CFAP69: variants seen among roughly 807,000 people sequenced by gnomAD.
The protein encoded by CFAP69 is cilia- and flagella-associated protein 69.
A neutral mutation model predicts 123.0 loss-of-function variants in CFAP69; 92 were observed. The ratio of observed to expected loss-of-function variants is 0.75; its 90% confidence interval spans 0.63 to 0.89. CFAP69 has a LOEUF of 0.89. Among genes scored for constraint, CFAP69 ranks in the 40% least tolerant of loss-of-function variants. CFAP69 has a pLI of 0.00. For missense variants in CFAP69, 1,067 were observed against 1,096.9 expected (o/e 0.97, Z 0.39); for synonymous variants, 380 against 364.3 (o/e 1.04, Z -0.49).
In CFAP69 at chr7:90,303,921, A is replaced by G. The variant is rs746706835; in HGVS notation, c.2051-48A>G. 6.7e-6 allele frequency: 10 copies of G among 1,485,578 alleles called. No individual in the cohort carries two copies. In the East Asian group the frequency reaches 2.0e-4, roughly 30 times the overall value. 92.0% of individuals were successfully genotyped at this position (1,485,578 alleles called of 1,614,324 possible). A position where few individuals can be genotyped will look rare whatever the true frequency, so the allele number is the denominator to read the frequency against. On this transcript the variant is annotated intron_variant, in intron 17 of 22. Transcript: ENST00000389297. The stretch of plus-strand genomic sequence containing the variant: ...TCTCAAAATTAAGTATTTGTTTACT[A>G]TGGTTTTTATCTGTCCCTTTTCTAT...
intron 2 of CFAP69, among the ~76,000 whole-genome samples, chr7:90,256,677 C>A (rs1347065630): frequency 6.6e-6 from 1 of 152,052 alleles, no homozygotes; most frequent in African/African-American, 2.4e-5. Flanking sequence ...GAAAAAGTGA[C>A]TATTGGAATA....
chr7:90,276,305 A>G (rs1205695932), intron 9 of CFAP69, among the ~76,000 whole-genome samples: 1 of 152,238 alleles, frequency 6.6e-6, no homozygotes, highest in African/African-American at 2.4e-5. Context: ...ACTTATAGGT[A>G]GACCTTTGTT....
chr7:90,258,208 A>G (rs1412275489), intron 3 of CFAP69, 45 bp downstream of exon 3: 29 of 1,340,260 alleles, frequency 2.2e-5, no homozygotes, highest in Non-Finnish European at 2.8e-5. Flanking sequence ...TTATTCTGAA[A>G]TGAGAATTTC....
intron 22 of CFAP69, 108 bp downstream of exon 22, chr7:90,309,475 GGATT>G (rs752592541): frequency 1.7e-4 from 91 of 522,734 alleles, no homozygotes; most frequent in Admixed American, 6.9e-4. Context: ...TTAAATGGAT[GGATT>G]GTGTGGTATT....
intron 21 of CFAP69, among the ~76,000 whole-genome samples, chr7:90,309,040 C>T (rs537172648): frequency 6.6e-6 from 1 of 152,120 alleles, no homozygotes; most frequent in South Asian, 2.1e-4. Context: ...TTCCAGAAAT[C>T]TCTGGAAGAC....
rs767930947 is a variant in CFAP69, at chr7:90,279,879, G to A, written c.1358G>A (p.Trp453Ter). 7.5e-6 allele frequency: 12 copies of A among 1,589,984 alleles called. No homozygotes were observed. The highest frequency in any genetic ancestry group is 1.0e-5 in the Non-Finnish European group (12 of 1,171,604). The change falls in exon 12 of 23, where the codon TGG (tryptophan) becomes TAG (stop). Residue 453 changes from tryptophan to a stop codon, truncating the protein, a stop_gained. Coordinates refer to ENST00000389297, the MANE Select transcript of CFAP69 (RefSeq NM_001039706.3). LOFTEE classifies it high-confidence loss of function. ...GNARVLAFLE[W>*]CESEDPFFSH... Reference sequence around the variant, plus strand: ...GCTCGAGTCCTTGCATTTCTAGAATGGTGTGAGAGTGAAGGTGAGTGGCCC... The same window carrying A: ...GCTCGAGTCCTTGCATTTCTAGAATAGTGTGAGAGTGAAGGTGAGTGGCCC...
rs575988791 is a variant in CFAP69 at position 90,261,971 on chromosome 7, T to C, written c.271T>C (p.Phe91Leu). 4 of 1,590,930 alleles carry C rather than the reference T, an allele frequency of 2.5e-6. No homozygotes were observed. Among genetic ancestry groups the C allele is most frequent in the Admixed American group, 1.8e-5 (1 of 56,376 alleles). ...GLPLRDLAQI[F>L]KILNLCSGKI... is the part of the protein sequence containing the mutation. The stretch of plus-strand genomic sequence containing the variant: ...GCCATTAAGGGATTTAGCACAGATA[T>C]TTAAAATTCTGAATCTGTGTTCAGG... Residue 91 changes from phenylalanine to leucine, a missense_variant, in exon 4 of 23, where the codon TTT becomes CTT. Physicochemically the swap from Phe to Leu is conservative, Grantham distance 22 (BLOSUM62 0). Coordinates refer to ENST00000389297, the MANE Select transcript of CFAP69 (RefSeq NM_001039706.3).
chr7:90,265,110 G>A lies in CFAP69; in HGVS notation c.357-191G>A, dbSNP rs368746642. 1.7e-4 allele frequency among the ~76,000 whole-genome samples: 26 copies of A among 152,124 alleles called. 1 individual carries two copies. The East Asian group carries it at 3.7e-3, about 21-fold the overall frequency. ...CCCGGCCCCAGAAACATTTTTAATA[G>A]TTACAATACTATTAAACTGTAATAC... On this transcript the variant is annotated intron_variant, in intron 4 of 22. Coordinates refer to ENST00000389297, the MANE Select transcript of CFAP69 (RefSeq NM_001039706.3).
At chr7:90,281,765 A>G (rs1789528489) in intron 12 of CFAP69, among the ~76,000 whole-genome samples, 2 of 152,230 alleles carry the variant, frequency 1.3e-5, no homozygotes, top group Admixed American at 1.3e-4. Context: ...GCATTTAACT[A>G]CTGTAAAACG....
At chr7:90,264,245 AT>A (rs2116801967) in intron 4 of CFAP69, among the ~76,000 whole-genome samples, 1 of 150,554 alleles carries the variant, frequency 6.6e-6, no homozygotes, top group South Asian at 2.1e-4. Context: ...TAGTTTATAT[AT>A]TTAAAAAATA....
chr7:90,258,811 A>T (rs564834281), intron 3 of CFAP69, among the ~76,000 whole-genome samples: 3 of 152,216 alleles, frequency 2.0e-5, no homozygotes, highest in Non-Finnish European at 4.4e-5. Context: ...TGTAAATAAA[A>T]TTGAAGAAAC....
Position 90,245,458 on chromosome 7 carries a change from G to A in CFAP69, c.34G>A (p.Ala12Thr). 6.4e-7 allele frequency: 1 copy of A among 1,557,546 alleles called. No individual in the cohort carries two copies. Among genetic ancestry groups the A allele is most frequent in the South Asian group, 1.2e-5 (1 of 85,534 alleles). The change falls in exon 1 of 23, where the codon GCC (alanine) becomes ACC (threonine). Residue 12 changes from alanine (A) to threonine (T), a missense_variant. Ala to Thr is a moderately conservative substitution (Grantham distance 58, BLOSUM62 0). Transcript: ENST00000389297. ...AGAGGAAGCCGGGGCGACCGCCGAG[G>A]CCCAGGAATCCGGCATCAGGAACAA... ...WTEEAGATAE[A>T]QESGIRNKSS...
chr7:90,248,095 C>T (rs1479471784), intron 1 of CFAP69, among the ~76,000 whole-genome samples: 1 of 152,148 alleles, frequency 6.6e-6, no homozygotes. Flanking sequence ...AGACTGGATG[C>T]CCCTGAAATC....
At position 90,309,267 on chromosome 7, in the gene CFAP69, CA is replaced by C. The variant is rs1562931831; in HGVS notation, c.2560del (p.Ser854AlafsTer7). 1 of 1,463,584 alleles carries C rather than the reference CA, an allele frequency of 6.8e-7. No homozygotes were observed. Among genetic ancestry groups the C allele is most frequent in the Non-Finnish European group, 9.2e-7 (1 of 1,083,484 alleles). The allele number at this position is 1,463,584 out of a possible 1,614,324, so 90.7% of individuals were successfully genotyped here. On this transcript the variant is annotated frameshift_variant, in exon 22 of 23. Transcript: ENST00000389297. LOFTEE classifies it high-confidence loss of function. ...TTCTAATTTAAAAATCCTCAGAAAG[CA>C]AAAAGCCTTCAAGAAAAAGCTATAG... ...RTSNAKTLKK[A>X]KSLQEKAIEA...
chr7:90,269,856 T>C (rs1328574170), intron 6 of CFAP69, among the ~76,000 whole-genome samples: 1 of 152,098 alleles, frequency 6.6e-6, no homozygotes, highest in Non-Finnish European at 1.5e-5. Context: ...AAATCACATT[T>C]GTAGGCAGAG....
chr7:90,245,262 G>C lies in CFAP69; in HGVS notation c.-163G>C, dbSNP rs1042347051. On this transcript the variant is annotated 5_prime_UTR_variant, in exon 1 of 23. An upstream start codon of the reference 5' UTR is lost. Coordinates refer to ENST00000389297, the MANE Select transcript of CFAP69 (RefSeq NM_001039706.3). ...GGCAGCGGCGCTAAGCGGACTGTAT[G>C]GCGGTGGCCTAGGCCCCTGGCGGAA... 5.4e-6 allele frequency: 5 copies of C among 920,672 alleles called. No homozygotes were observed. Among genetic ancestry groups the C allele is most frequent in the Non-Finnish European group, 7.5e-6 (5 of 663,908 alleles). 57.0% of individuals were successfully genotyped at this position (920,672 alleles called of 1,614,324 possible).
intron 16 of CFAP69, among the ~76,000 whole-genome samples, chr7:90,298,944 C>T (rs1451482219): frequency 6.6e-6 from 1 of 152,036 alleles, no homozygotes; most frequent in Non-Finnish European, 1.5e-5. Flanking sequence ...AAACTCATTT[C>T]CTTGAGTGTT....
At chr7:90,260,184 A>G (rs1160157760) in intron 3 of CFAP69, among the ~76,000 whole-genome samples, 3 of 152,144 alleles carry the variant, frequency 2.0e-5, no homozygotes, top group Non-Finnish European at 4.4e-5. Context: ...AATCCAAAAG[A>G]CTGAACACCC....
chr7:90,283,120 T>C (rs1266366101), intron 13 of CFAP69, 64 bp downstream of exon 13: 52 of 1,246,672 alleles, frequency 4.2e-5, no homozygotes, highest in Non-Finnish European at 5.1e-5. Flanking sequence ...TAGTTTTGTT[T>C]GAAATGTTTT....
Sources: allele counts gnomAD v4.1 joint callset (sites outside exome capture counted in the v4.1 genomes callset), GRCh38; gene constraint gnomAD v4.1.1; transcripts MANE v1.5; gene names NCBI Gene and HGNC (gene_info 2026-07-23, HGNC 2026-07-21).